LAMB4: variants seen among roughly 807,000 people sequenced by gnomAD.
LAMB4 encodes the protein laminin subunit beta 4, also known as laminin subunit beta-4.
Under a neutral mutation model 199.2 loss-of-function variants are expected in LAMB4, and 196 were observed. That is an observed-to-expected ratio of 0.98 (90% confidence interval 0.88 to 1.11). The LOEUF (loss-of-function observed/expected upper bound fraction) is 1.11. LAMB4 is among the 50% of genes least tolerant of loss of function. The probability of loss-of-function intolerance (pLI) is 0.00; values close to 1 mark genes in which losing one functional copy is unlikely to be tolerated. For synonymous variants in LAMB4, 744 were observed against 770.6 expected, an observed-to-expected ratio of 0.97 and a Z score of 0.57; for missense variants, 2,080 against 2,171.2, an observed-to-expected ratio of 0.96 and a Z score of 0.83.
chr7:108,109,267 G>A (rs2038135397), intron 4 of LAMB4, 23 bp from the exon 5 acceptor site: 1 of 1,548,364 alleles, frequency 6.5e-7, no homozygotes, highest in African/African-American at 1.4e-5. Context: ...CCAGAAAGAA[G>A]AAAATCAGTG....
At position 108,057,944 on chromosome 7, in the gene LAMB4, TG is replaced by T; in HGVS notation, c.3283-17del. 6.3e-7 allele frequency: 1 copy of T among 1,578,670 alleles called. No individual in the cohort carries two copies. The highest frequency in any genetic ancestry group is 8.7e-7 in the Non-Finnish European group (1 of 1,148,268). The stretch of plus-strand genomic sequence containing the variant: ...GGCCTGTAAGCTGTGAGAACAGTCA[TG>T]GGTGAGGAATTGACAAGTTTTATGG... On this transcript the variant is annotated splice_polypyrimidine_tract_variant and intron_variant, in intron 23 of 33. Transcript: ENST00000388781.
chr7:108,105,588 C>G (rs2037974262), intron 8 of LAMB4, among the ~76,000 whole-genome samples: 1 of 152,204 alleles, frequency 6.6e-6, no homozygotes, highest in Admixed American at 6.5e-5. Context: ...ATAAATTCTG[C>G]TCACTAGTTC....
At chr7:108,110,159 G>A (rs1183983517) in intron 4 of LAMB4, among the ~76,000 whole-genome samples, 1 of 152,126 alleles carries the variant, frequency 6.6e-6, no homozygotes, top group Non-Finnish European at 1.5e-5. Flanking sequence ...CTCCTGAGTA[G>A]CTGGGACTAC....
chr7:108,102,030 T>G (rs564377569), intron 10 of LAMB4, among the ~76,000 whole-genome samples: 2 of 152,300 alleles, frequency 1.3e-5, no homozygotes, highest in South Asian at 4.1e-4. Context: ...CACACTCACT[T>G]AGGGGACCAT....
intron 12 of LAMB4, among the ~76,000 whole-genome samples, chr7:108,094,341 C>T (rs540518279): frequency 1.3e-5 from 2 of 152,250 alleles, no homozygotes; most frequent in East Asian, 3.9e-4. Flanking sequence ...GCGTGGCTGA[C>T]CTTTCTCTTT....
intron 1 of LAMB4, among the ~76,000 whole-genome samples, chr7:108,126,926 C>A (rs2038809412): frequency 6.6e-6 from 1 of 152,088 alleles, no homozygotes; most frequent in Non-Finnish European, 1.5e-5. Context: ...AGATATTAAA[C>A]TACCAGTGCT....
chr7:108,032,325 G>A (rs1230939470), intron 31 of LAMB4, among the ~76,000 whole-genome samples: 3 of 152,128 alleles, frequency 2.0e-5, no homozygotes, highest in African/African-American at 7.2e-5. Flanking sequence ...AGGAGGTGGA[G>A]GTTGCAGTGA....
At chr7:108,046,384 C>A (rs1480374887) in intron 28 of LAMB4, among the ~76,000 whole-genome samples, 1 of 151,946 alleles carries the variant, frequency 6.6e-6, no homozygotes, top group East Asian at 1.9e-4. Flanking sequence ...AGCCACTGCA[C>A]CCGGCCAGGA....
At chr7:108,102,900 T>C in intron 10 of LAMB4, 144 bp downstream of exon 10, 1 of 535,568 alleles carries the variant, frequency 1.9e-6, no homozygotes, top group Non-Finnish European at 3.1e-6. Context: ...CTCTTAAAGC[T>C]GAGGTATTTT....
At chr7:108,029,285 G>A (rs2034948288) in intron 32 of LAMB4, 89 bp from the exon 33 acceptor site, 1 of 1,133,316 alleles carries the variant, frequency 8.8e-7, no homozygotes, top group East Asian at 2.6e-5. Context: ...ATTCATAGAA[G>A]GAATACAGAG....
chr7:108,033,642 C>T (rs1036670243), intron 31 of LAMB4, among the ~76,000 whole-genome samples: 20 of 151,832 alleles, frequency 1.3e-4, no homozygotes, highest in African/African-American at 4.6e-4. Context: ...CTCCTCACCT[C>T]GGGTGATACA....
chr7:108,097,076 G>C (rs1223612374), intron 11 of LAMB4, among the ~76,000 whole-genome samples: 1 of 152,040 alleles, frequency 6.6e-6, no homozygotes, highest in Non-Finnish European at 1.5e-5. Flanking sequence ...AATGCTGAAA[G>C]GTATGATGGG....
In LAMB4 at chr7:108,056,015, G is replaced by C. The variant is rs761761681; in HGVS notation, c.3380-8C>G. 1 of 1,596,266 alleles carries C rather than the reference G, an allele frequency of 6.3e-7. No individual in the cohort carries two copies. Among genetic ancestry groups the C allele is most frequent in the African/African-American group, 1.3e-5 (1 of 74,214 alleles). Reference sequence around the variant, plus strand: ...CCCTGTTACAATCACATGCTAAAAAGGAAAACAGAAGGAGCAGAGAATGTC... The same window carrying C: ...CCCTGTTACAATCACATGCTAAAAACGAAAACAGAAGGAGCAGAGAATGTC... On this transcript the variant is annotated splice_polypyrimidine_tract_variant and splice_region_variant and intron_variant, in intron 24 of 33. Coordinates refer to ENST00000388781, the MANE Select transcript of LAMB4 (RefSeq NM_007356.3).
intron 29 of LAMB4, among the ~76,000 whole-genome samples, chr7:108,040,776 C>T (rs1427013896): frequency 6.6e-6 from 1 of 152,100 alleles, no homozygotes; most frequent in Non-Finnish European, 1.5e-5. Context: ...GGATTAAAGA[C>T]TAAAATGTAA....
the LAMB4 span, among the ~76,000 whole-genome samples, chr7:108,015,770 T>TTA: frequency 6.9e-6 from 1 of 145,412 alleles, no homozygotes; most frequent in African/African-American, 2.5e-5. Context: ...TTTTTTTTTT[T>TTA]ACTTAAGACT....
chr7:108,035,636 A>C (rs1374567030), intron 30 of LAMB4, among the ~76,000 whole-genome samples: 1 of 150,670 alleles, frequency 6.6e-6, no homozygotes, highest in Non-Finnish European at 1.5e-5. Context: ...AAAAAAACGT[A>C]AGAAGGGGAA....
rs60160775 is a variant in LAMB4 at position 108,031,478 on chromosome 7, C to A, written c.4819-499G>T. Among the ~76,000 whole-genome samples the A allele has an allele frequency of 4.6e-3, 702 of 151,882 alleles. 2 individuals are homozygous for A. Among genetic ancestry groups the A allele is most frequent in the African/African-American group, 0.016 (668 of 41,440 alleles). Reference sequence around the variant, plus strand: ...ATTAACAATGAGCTAAGGCCCTCAGCGTACCACTCCCCATTATATCTTCTC... The same window carrying A: ...ATTAACAATGAGCTAAGGCCCTCAGAGTACCACTCCCCATTATATCTTCTC... On this transcript the variant is annotated intron_variant, in intron 31 of 33. Coordinates refer to ENST00000388781, the MANE Select transcript of LAMB4 (RefSeq NM_007356.3).
Position 108,098,649 on chromosome 7 carries a change from G to T in LAMB4, c.1181-67C>A, listed in dbSNP as rs567316333. 20 of 1,313,910 alleles carry T rather than the reference G, an allele frequency of 1.5e-5. No individual in the cohort carries two copies. The South Asian group carries it at 2.8e-4, about 18-fold the overall frequency. The allele number at this position is 1,313,910 out of a possible 1,614,324, so 81.4% of individuals were successfully genotyped here. A position where few individuals can be genotyped will look rare whatever the true frequency, so the allele number is the denominator to read the frequency against. Reference sequence around the variant, plus strand: ...GTGGGAAGCCTGAAATATAAGCACGGCATTTTACTCATGCTATAACTATCT... The same window carrying T: ...GTGGGAAGCCTGAAATATAAGCACGTCATTTTACTCATGCTATAACTATCT... On this transcript the variant is annotated intron_variant, in intron 10 of 33. Coordinates refer to ENST00000388781, the MANE Select transcript of LAMB4 (RefSeq NM_007356.3).
chr7:108,095,638 C>G (rs2037567450), intron 11 of LAMB4, among the ~76,000 whole-genome samples: 1 of 152,200 alleles, frequency 6.6e-6, no homozygotes, highest in Admixed American at 6.5e-5. Context: ...CTAAGTGATG[C>G]TGACCAGGCT....
Sources: gnomAD v4.1 joint callset for allele counts (sites outside exome capture counted in the v4.1 genomes callset) on GRCh38, gnomAD v4.1.1 for gene constraint, MANE v1.5 for transcripts, NCBI Gene and HGNC (gene_info 2026-07-23, HGNC 2026-07-21) for gene names.